Variants in NOX5 observed in about 807,000 individuals in gnomAD.
NOX5 encodes NADPH oxidase, EF-hand calcium binding domain 5.
In NOX5, 76 loss-of-function variants were observed where a neutral mutation model predicts 85.7. The observed-to-expected ratio is 0.89, with a 90% CI of 0.74 to 1.07. The LOEUF is 1.07. Among genes scored for constraint, NOX5 ranks in the 50% least tolerant of loss-of-function variants. The pLI is 0.00. For missense variants in NOX5, 973 were observed against 999.5 expected (o/e 0.97, Z 0.36); for synonymous variants, 405 against 401.4 (o/e 1.01, Z -0.11).
chr15:69,015,703 C>G (rs1314025929), intron 1 of NOX5, among the ~76,000 whole-genome samples: 2 of 152,208 alleles, frequency 1.3e-5, no homozygotes, highest in African/African-American at 4.8e-5. Context: ...TTGGGAACCA[C>G]TAGTCATTAG....
chr15:69,035,645 A>G, intron 6 of NOX5, 113 bp from the exon 7 acceptor site: 1 of 1,557,166 alleles, frequency 6.4e-7, no homozygotes, highest in Non-Finnish European at 8.7e-7. Context: ...CGCTCTGGAC[A>G]AAAGTTTCTG....
chr15:69,044,927 G>A (rs568332789), intron 10 of NOX5, among the ~76,000 whole-genome samples: 8 of 152,250 alleles, frequency 5.3e-5, no homozygotes, highest in Non-Finnish European at 1.2e-4. Context: ...ATCCAAGGAT[G>A]TCACTGGAGC....
intron 10 of NOX5, 54 bp downstream of exon 10, chr15:69,042,859 C>A: frequency 6.4e-7 from 1 of 1,566,326 alleles, no homozygotes; most frequent in Non-Finnish European, 8.7e-7. Context: ...CCACAGAGAC[C>A]AAGTTGCCTC....
At chr15:69,053,592 A>T (rs2050775248) in intron 14 of NOX5, among the ~76,000 whole-genome samples, 1 of 152,220 alleles carries the variant, frequency 6.6e-6, no homozygotes, top group African/African-American at 2.4e-5. Context: ...ATAATCATAA[A>T]AATGCCAAAA....
chr15:69,016,140 G>A (rs1157314943), intron 1 of NOX5, among the ~76,000 whole-genome samples: 2 of 152,196 alleles, frequency 1.3e-5, no homozygotes, highest in Non-Finnish European at 2.9e-5. Context: ...CTGCACCAAA[G>A]ACAGAAGGGG....
intron 1 of NOX5, among the ~76,000 whole-genome samples, chr15:69,020,076 T>A (rs2050279073): frequency 6.6e-6 from 1 of 152,232 alleles, no homozygotes; most frequent in South Asian, 2.1e-4. Context: ...TGTTTGTTTG[T>A]TTTTGCTTCT....
In NOX5 at chr15:69,049,042, C is replaced by A; in HGVS notation, c.1983C>A (p.Ala661=). ...SLLTKLEMDQ[A]EEAQYGRFLE... ...TGACTAAACTGGAGATGGACCAGGC[C>A]GAGGAGGCTCAATACGGTAAGAGAG... Residue 661 remains alanine (A), a synonymous_variant, in exon 14 of 16, where the codon GCC becomes GCA. Transcript: ENST00000388866. 1 of 1,611,428 alleles carries A rather than the reference C, an allele frequency of 6.2e-7. No individual in the cohort carries two copies. Among genetic ancestry groups the A allele is most frequent in the Middle Eastern group, 1.7e-4 (1 of 5,976 alleles).
intron 11 of NOX5, 51 bp downstream of exon 11, chr15:69,046,917 G>T: frequency 6.3e-7 from 1 of 1,588,198 alleles, no homozygotes; most frequent in Non-Finnish European, 8.6e-7. Flanking sequence ...CCCAACCAAA[G>T]GAAATGAAGT....
At chr15:69,018,504 C>T (rs975553950) in intron 1 of NOX5, among the ~76,000 whole-genome samples, 3 of 152,086 alleles carry the variant, frequency 2.0e-5, no homozygotes, top group African/African-American at 7.2e-5. Flanking sequence ...GCTGACAGTG[C>T]ACCTCTCCCA....
At position 69,033,274 on chromosome 15, in the gene NOX5, C is replaced by T; in HGVS notation, c.852C>T (p.Ile284=). 2.5e-6 allele frequency: 4 copies of T among 1,593,756 alleles called. No homozygotes were observed. The highest frequency in any genetic ancestry group is 3.4e-6 in the Non-Finnish European group (4 of 1,178,144). The part of the protein sequence containing the change: ...GQCLNFDCSF[I]AVLMLRRCLT... ...GCCTCAACTTCGACTGCAGCTTCAT[C>T]GCGGTAGGCTCTGCCAGCACACGGT... The change falls in exon 5 of 16, where the codon ATC becomes ATT. Residue 284 remains isoleucine, a synonymous_variant. Coordinates refer to ENST00000388866, the MANE Select transcript of NOX5 (RefSeq NM_024505.4).
intron 14 of NOX5, 134 bp downstream of exon 14, chr15:69,049,192 CTTTTTTT>C: frequency 3.4e-6 from 1 of 292,082 alleles, no homozygotes; most frequent in Non-Finnish European, 6.2e-6. Flanking sequence ...AACCCAGAGT[CTTTTTTT>C]TTTTTTTTTT....
chr15:69,025,055 C>T (rs557778332), intron 1 of NOX5, among the ~76,000 whole-genome samples: 10 of 152,096 alleles, frequency 6.6e-5, no homozygotes, highest in Non-Finnish European at 8.8e-5. Context: ...TCACTGCAAA[C>T]GCTGAATTAG....
rs1311948034 is a variant in NOX5 at position 69,061,613 on chromosome 15, A to T, written c.*4917A>T. Reference sequence around the variant, plus strand: ...TTAATTCAGACAAGACATTTATTTTATGAGGAAATTCATCCCAGGGGGAAA... The same window carrying T: ...TTAATTCAGACAAGACATTTATTTTTTGAGGAAATTCATCCCAGGGGGAAA... On this transcript the variant is annotated 3_prime_UTR_variant, in exon 16 of 16. Transcript: ENST00000388866. The T allele has an allele frequency of 6.6e-6, 1 of 152,246 alleles. No individual in the cohort carries two copies. The highest frequency in any genetic ancestry group is 1.5e-5 in the Non-Finnish European group (1 of 68,032). The allele number at this position is 152,246 out of a possible 1,614,324, so 9.4% of individuals were successfully genotyped here.
intron 5 of NOX5, 42 bp downstream of exon 5, chr15:69,033,319 G>A: frequency 1.3e-6 from 2 of 1,572,276 alleles, no homozygotes; most frequent in African/African-American, 1.4e-5. Flanking sequence ...ATGTTAATTA[G>A]GAGCCGAGGT....
chr15:69,020,110 T>A (rs2050279444), intron 1 of NOX5, among the ~76,000 whole-genome samples: 1 of 152,214 alleles, frequency 6.6e-6, no homozygotes, highest in South Asian at 2.1e-4. Flanking sequence ...GACTTCTATG[T>A]TAAAAGAACA....
In NOX5 at chr15:69,060,720, C is replaced by A. The variant is rs2050863376; in HGVS notation, c.*4024C>A. 6.6e-6 allele frequency: 1 copy of A among 151,978 alleles called. No individual in the cohort carries two copies. Among genetic ancestry groups the A allele is most frequent in the African/African-American group, 2.4e-5 (1 of 41,360 alleles). 9.4% of individuals were successfully genotyped at this position (151,978 alleles called of 1,614,324 possible). A position where few individuals can be genotyped will look rare whatever the true frequency, so the allele number is the denominator to read the frequency against. ...GTAAAAGAAAAGAAAAAACAAGTACCAAGTGTTTGATATAATCCTATTTAT... is the reference window on the plus strand; with the variant it reads ...GTAAAAGAAAAGAAAAAACAAGTACAAAGTGTTTGATATAATCCTATTTAT... On this transcript the variant is annotated 3_prime_UTR_variant, in exon 16 of 16. Coordinates refer to ENST00000388866, the MANE Select transcript of NOX5 (RefSeq NM_024505.4).
chr15:69,049,796 T>G (rs1038291397), intron 14 of NOX5, among the ~76,000 whole-genome samples: 1 of 152,210 alleles, frequency 6.6e-6, no homozygotes, highest in African/African-American at 2.4e-5. Context: ...ACGATTCTTA[T>G]TCACACTAAT....
intron 1 of NOX5, 137 bp downstream of exon 1, chr15:69,014,922 G>T (rs2050213272): frequency 1.5e-6 from 1 of 681,726 alleles, no homozygotes; most frequent in African/African-American, 1.8e-5. Flanking sequence ...TTCTTGCCTT[G>T]CTACTAGCAA....
Position 69,033,121 on chromosome 15 carries a change from C to T in NOX5, c.699C>T (p.His233=). 6.4e-7 allele frequency: 1 copy of T among 1,561,000 alleles called. No individual in the cohort carries two copies. Among genetic ancestry groups the T allele is most frequent in the Non-Finnish European group, 8.6e-7 (1 of 1,159,578 alleles). Residue 233 remains histidine (H), a synonymous_variant, in exon 5 of 16, where the codon CAC becomes CAT. Coordinates refer to ENST00000388866, the MANE Select transcript of NOX5 (RefSeq NM_024505.4). The part of the protein sequence containing the change: ...RPRQLTRAYW[H]NHRSQLFCLA... ...GCCAGCTGACCCGCGCCTACTGGCA[C>T]AACCACCGCAGCCAGCTGTTCTGCC...
Sources: gnomAD v4.1 joint callset for allele counts (sites outside exome capture counted in the v4.1 genomes callset) on GRCh38, gnomAD v4.1.1 for gene constraint, MANE v1.5 for transcripts, NCBI Gene and HGNC (gene_info 2026-07-23, HGNC 2026-07-21) for gene names.